FAM135B: variants seen among roughly 807,000 people sequenced by gnomAD.
The protein encoded by FAM135B is family with sequence similarity 135 member B, also known as protein FAM135B.
In FAM135B, 43 loss-of-function variants were observed where a neutral mutation model predicts 127.7. That is an observed-to-expected ratio of 0.34 (90% CI 0.26 to 0.43). The LOEUF (loss-of-function observed/expected upper bound fraction) is 0.43, where lower values mean the gene tolerates loss of function less well. FAM135B is among the 20% of genes least tolerant of loss of function. The pLI is 1.00. For missense variants in FAM135B, 1,558 were observed against 1,725.6 expected, an observed-to-expected ratio of 0.90 and a Z score of 1.72; for synonymous variants, 670 against 665.1, an observed-to-expected ratio of 1.01 and a Z score of -0.11.
intron 1 of FAM135B, among the ~76,000 whole-genome samples, chr8:138,489,967 G>A (rs1432390942): frequency 6.6e-6 from 1 of 152,116 alleles, no homozygotes; most frequent in Non-Finnish European, 1.5e-5. Flanking sequence ...TCATAGCTTT[G>A]CCACTGTATA....
chr8:138,374,208 T>C (rs1221083463), intron 1 of FAM135B, among the ~76,000 whole-genome samples: 2 of 152,186 alleles, frequency 1.3e-5, no homozygotes, highest in Non-Finnish European at 2.9e-5. Flanking sequence ...TCAACCCAGC[T>C]GATGCTTAGG....
chr8:138,353,668 T>C (rs1158410041), intron 2 of FAM135B, among the ~76,000 whole-genome samples: 2 of 152,176 alleles, frequency 1.3e-5, no homozygotes, highest in African/African-American at 4.8e-5. Context: ...GGTGGCCAAG[T>C]GACCTTGGGC....
chr8:138,373,050 T>C (rs1013283035), intron 1 of FAM135B, among the ~76,000 whole-genome samples: 1 of 152,142 alleles, frequency 6.6e-6, no homozygotes, highest in African/African-American at 2.4e-5. Context: ...ATGTTTGTAT[T>C]TGATTGATGA....
intron 3 of FAM135B, among the ~76,000 whole-genome samples, chr8:138,280,084 C>G (rs989188070): frequency 6.6e-6 from 1 of 152,150 alleles, no homozygotes. Context: ...AGAATCCAAC[C>G]AAGGACCAGC....
chr8:138,205,164 A>G (rs916637609), intron 7 of FAM135B, among the ~76,000 whole-genome samples: 4 of 152,342 alleles, frequency 2.6e-5, no homozygotes, highest in African/African-American at 9.6e-5. Context: ...TAAGTGCTTT[A>G]TGTGTATTAA....
chr8:138,286,160 A>G (rs758629115), intron 3 of FAM135B, among the ~76,000 whole-genome samples: 6 of 152,266 alleles, frequency 3.9e-5, no homozygotes, highest in Admixed American at 3.3e-4. Flanking sequence ...AGTTGTAGAT[A>G]GGGAAGGACC....
chr8:138,279,735 C>T (rs1824116526), intron 3 of FAM135B, among the ~76,000 whole-genome samples: 1 of 152,202 alleles, frequency 6.6e-6, no homozygotes, highest in Non-Finnish European at 1.5e-5. Flanking sequence ...AGTCCACCTC[C>T]TATTTTACCC....
At chr8:138,289,799 C>T (rs1354834797) in intron 3 of FAM135B, among the ~76,000 whole-genome samples, 1 of 152,166 alleles carries the variant, frequency 6.6e-6, no homozygotes, top group African/African-American at 2.4e-5. Flanking sequence ...GATGTCTTTG[C>T]TGAGTGCAAG....
intron 9 of FAM135B, among the ~76,000 whole-genome samples, chr8:138,187,116 A>C (rs2131049008): frequency 6.6e-6 from 1 of 152,272 alleles, no homozygotes; most frequent in Non-Finnish European, 1.5e-5. Flanking sequence ...ACTGCAGTTA[A>C]CCTTAATCAT....
chr8:138,495,312 C>T (rs924597617), intron 1 of FAM135B, among the ~76,000 whole-genome samples: 2 of 152,158 alleles, frequency 1.3e-5, no homozygotes, highest in African/African-American at 4.8e-5. Flanking sequence ...ACAGCAGGTG[C>T]ATGAGGAAAT....
At chr8:138,239,531 C>A (rs193130072) in intron 7 of FAM135B, among the ~76,000 whole-genome samples, 80 of 152,242 alleles carry the variant, frequency 5.3e-4, no homozygotes, top group Non-Finnish European at 7.8e-4. Context: ...ATGGTAGTTT[C>A]TTTTGCTGTG....
intron 1 of FAM135B, among the ~76,000 whole-genome samples, chr8:138,433,577 TAA>T (rs1162503163): frequency 4.0e-5 from 6 of 149,494 alleles, no homozygotes; most frequent in African/African-American, 1.5e-4. Flanking sequence ...AAAATAATTT[TAA>T]AAGAGTATTA....
intron 3 of FAM135B, among the ~76,000 whole-genome samples, chr8:138,284,373 CCA>C (rs1235930396): frequency 6.6e-6 from 1 of 152,150 alleles, no homozygotes; most frequent in Non-Finnish European, 1.5e-5. Flanking sequence ...CAGACTTTCT[CCA>C]CAGTTTTGTC....
At chr8:138,361,711 C>T (rs1182754776) in intron 2 of FAM135B, among the ~76,000 whole-genome samples, 2 of 152,186 alleles carry the variant, frequency 1.3e-5, no homozygotes, top group Admixed American at 6.5e-5. Context: ...CTCCCCCACT[C>T]TTACTCTTCA....
intron 9 of FAM135B, among the ~76,000 whole-genome samples, chr8:138,188,265 G>A (rs868103950): frequency 2.0e-5 from 3 of 152,336 alleles, no homozygotes; most frequent in African/African-American, 7.2e-5. Flanking sequence ...TTAACCTAGA[G>A]GAGGGCATCA....
At chr8:138,235,451 A>C (rs1820200685) in intron 7 of FAM135B, among the ~76,000 whole-genome samples, 1 of 152,222 alleles carries the variant, frequency 6.6e-6, no homozygotes, top group Admixed American at 6.5e-5. Context: ...TTTAATGATA[A>C]TTATGCATGT....
intron 2 of FAM135B, among the ~76,000 whole-genome samples, chr8:138,347,155 G>C (rs1424098701): frequency 6.6e-6 from 1 of 152,234 alleles, no homozygotes; most frequent in African/African-American, 2.4e-5. Context: ...GTGAGTAGGA[G>C]AGTGTCTTCC....
At chr8:138,319,094 T>TG (rs1475332740) in intron 2 of FAM135B, among the ~76,000 whole-genome samples, 7 of 151,974 alleles carry the variant, frequency 4.6e-5, no homozygotes, top group African/African-American at 7.2e-5. Flanking sequence ...AAGTTTTTTT[T>TG]TTTTGTTGTT....
intron 11 of FAM135B, among the ~76,000 whole-genome samples, chr8:138,174,138 C>A (rs1461730260): frequency 5.3e-5 from 8 of 152,150 alleles, no homozygotes; most frequent in African/African-American, 1.9e-4. Context: ...CCTATCCTAT[C>A]CTATTTCATT....
Sources: gnomAD v4.1 joint callset for allele counts (sites outside exome capture counted in the v4.1 genomes callset) on GRCh38, gnomAD v4.1.1 for gene constraint, MANE v1.5 for transcripts, NCBI Gene and HGNC (gene_info 2026-07-23, HGNC 2026-07-21) for gene names.